Variants in DBX2 observed in about 807,000 individuals in gnomAD.
The protein encoded by DBX2 is homeobox protein DBX2.
Under a neutral mutation model 17.7 loss-of-function variants are expected in DBX2, and 16 were observed. The observed-to-expected ratio is 0.90, with a 90% confidence interval of 0.61 to 1.37. DBX2 has a LOEUF of 1.37. Ranked by LOEUF, DBX2 falls within the 40% of genes most tolerant of loss-of-function variation. The pLI is 0.00. For missense variants in DBX2, 538 were observed against 433.8 expected (o/e 1.24, Z -2.13); for synonymous variants, 255 against 183.8 (o/e 1.39, Z -3.13).
intron 2 of DBX2, among the ~76,000 whole-genome samples, chr12:45,032,601 G>C (rs1946416212): frequency 6.6e-6 from 1 of 152,172 alleles, no homozygotes. Context: ...AACTTGGAGA[G>C]TGTATTACGT....
rs114938257 is a variant in DBX2 at position 45,017,505 on chromosome 12, G to T, written c.688-887C>A. On this transcript the variant is annotated intron_variant, in intron 3 of 3. Transcript: ENST00000332700. ...TCAGACCTCATCAGGAGCTTTCTGA[G>T]ACTAAATTAAGAATCCATTTTGTAA... Among the ~76,000 whole-genome samples the T allele has an allele frequency of 4.7e-3, 711 of 152,274 alleles. 6 individuals are homozygous for T. Among genetic ancestry groups the T allele is most frequent in the African/African-American group, 0.016 (670 of 41,562 alleles).
At chr12:45,022,786 C>T (rs1946360810) in intron 3 of DBX2, among the ~76,000 whole-genome samples, 1 of 152,130 alleles carries the variant, frequency 6.6e-6, no homozygotes, top group Non-Finnish European at 1.5e-5. Flanking sequence ...AGAGTTTATG[C>T]TGCATTTCAG....
intron 2 of DBX2, among the ~76,000 whole-genome samples, chr12:45,029,600 C>G (rs2137023409): frequency 6.6e-6 from 1 of 152,306 alleles, no homozygotes; most frequent in East Asian, 1.9e-4. Flanking sequence ...CGCAGTGGCT[C>G]ATGCCTGTAA....
intron 2 of DBX2, among the ~76,000 whole-genome samples, chr12:45,031,221 T>A (rs201341437): frequency 2.1e-3 from 132 of 64,060 alleles, no homozygotes; most frequent in Non-Finnish European, 3.1e-3. Flanking sequence ...TGTGTGTGTG[T>A]GTGTGAGAGA....
Position 45,044,062 on chromosome 12 carries a change from C to T in DBX2, c.403+6463G>A, listed in dbSNP as rs143442881. On this transcript the variant is annotated intron_variant, in intron 1 of 3. Transcript: ENST00000332700. ...AAATTTAACCAATTTGCCATTTACA[C>T]GTTGGAGCAAGCGCTGGCATACTTC... Among the ~76,000 whole-genome samples the T allele has an allele frequency of 8.5e-3, 1,288 of 152,132 alleles. 17 individuals are homozygous for T. The highest frequency in any genetic ancestry group is 0.029 in the African/African-American group (1,202 of 41,538).
intron 2 of DBX2, among the ~76,000 whole-genome samples, chr12:45,031,650 A>T (rs1363676898): frequency 1.3e-5 from 2 of 152,160 alleles, no homozygotes; most frequent in Non-Finnish European, 2.9e-5. Context: ...CCTGGTTTTT[A>T]TATGAGAGCT....
intron 3 of DBX2, 147 bp from the exon 4 acceptor site, chr12:45,016,765 G>A (rs1946326112): frequency 1.7e-6 from 1 of 580,464 alleles, no homozygotes; most frequent in Non-Finnish European, 2.7e-6. Flanking sequence ...CTTTTCACAT[G>A]GGCTCCTTCA....
At chr12:45,045,366 A>G (rs1399588123) in intron 1 of DBX2, among the ~76,000 whole-genome samples, 1 of 152,232 alleles carries the variant, frequency 6.6e-6, no homozygotes, top group Non-Finnish European at 1.5e-5. Flanking sequence ...CCCTAACATA[A>G]GAACACATTT....
Position 45,023,688 on chromosome 12 carries a change from T to A in DBX2, c.687+19A>T, listed in dbSNP as rs202234675. On this transcript the variant is annotated intron_variant, in intron 3 of 3. Transcript: ENST00000332700. ...CAGAAGAAATCAGAGGCAGTAGACA[T>A]CTTCCTGCTTATTAGTACCTGTGAT... 1.2e-3 allele frequency: 1,915 copies of A among 1,613,852 alleles called. 1 individual carries two copies. The highest frequency in any genetic ancestry group is 1.5e-3 in the Non-Finnish European group (1,801 of 1,179,844).
intron 2 of DBX2, among the ~76,000 whole-genome samples, chr12:45,025,091 G>A (rs905901791): frequency 5.9e-5 from 9 of 152,174 alleles, no homozygotes; most frequent in African/African-American, 2.2e-4. Context: ...CTGTGAATAT[G>A]TTATGTTACA....
At chr12:45,038,938 G>A (rs529931649) in intron 1 of DBX2, among the ~76,000 whole-genome samples, 1 of 152,082 alleles carries the variant, frequency 6.6e-6, no homozygotes, top group African/African-American at 2.4e-5. Flanking sequence ...ATAATCTACA[G>A]TAACAATTCT....
At chr12:45,020,690 T>TAC (rs1555141173) in intron 3 of DBX2, among the ~76,000 whole-genome samples, 45 of 148,470 alleles carry the variant, frequency 3.0e-4, no homozygotes, top group Admixed American at 4.1e-4. Context: ...TATATATATA[T>TAC]ACACACACAC....
intron 3 of DBX2, among the ~76,000 whole-genome samples, chr12:45,022,605 AT>A (rs1946359602): frequency 6.6e-6 from 1 of 152,086 alleles, no homozygotes; most frequent in African/African-American, 2.4e-5. Flanking sequence ...CGCCCGGCCA[AT>A]AACTGGTTTT....
chr12:45,044,641 C>G lies in DBX2; in HGVS notation c.403+5884G>C, dbSNP rs527424829. Among the ~76,000 whole-genome samples, 11 of 152,158 alleles carry G rather than the reference C, an allele frequency of 7.2e-5. 1 individual carries two copies. In the South Asian group the frequency reaches 2.3e-3, roughly 32 times the overall value. ...AGCAATTTTTACAAAAAGACGCAACCTTTTTGTTTTCCTTTCCTTTTCCTG... is the reference window on the plus strand; with the variant it reads ...AGCAATTTTTACAAAAAGACGCAACGTTTTTGTTTTCCTTTCCTTTTCCTG... On this transcript the variant is annotated intron_variant, in intron 1 of 3. Coordinates refer to ENST00000332700, the MANE Select transcript of DBX2 (RefSeq NM_001004329.3).
intron 1 of DBX2, among the ~76,000 whole-genome samples, chr12:45,046,039 T>G (rs1280583014): frequency 6.6e-6 from 1 of 152,042 alleles, no homozygotes; most frequent in Non-Finnish European, 1.5e-5. Context: ...CTCAAGAGTT[T>G]TAGTACATAT....
intron 2 of DBX2, among the ~76,000 whole-genome samples, chr12:45,029,311 AC>A (rs1946396807): frequency 6.6e-6 from 1 of 152,242 alleles, no homozygotes; most frequent in Admixed American, 6.5e-5. Context: ...ATTGGGGCTT[AC>A]ATGTGCTGAC....
chr12:45,018,904 C>T (rs935855578), intron 3 of DBX2, among the ~76,000 whole-genome samples: 2 of 151,668 alleles, frequency 1.3e-5, no homozygotes, highest in African/African-American at 4.8e-5. Context: ...AGTACAAATG[C>T]CATATTACTC....
rs1160143801 is a variant in DBX2, at chr12:45,023,763, T to C, written c.631A>G (p.Ile211Val). Residue 211 changes from isoleucine (I) to valine (V), a missense_variant, in exon 3 of 4, where the codon ATC becomes GTC. Physicochemically the swap from Ile to Val is conservative, Grantham distance 29 (BLOSUM62 3). Transcript: ENST00000332700. ...AGTTTCTTTCGGTCTGTTTTGCTGA[T>C]ATATTTCTGTTTCTGAAACATTTTC... ...LEKMFQKQKY[I>V]SKTDRKKLAI... 20 of 1,614,194 alleles carry C rather than the reference T, an allele frequency of 1.2e-5. No individual in the cohort carries two copies. Among genetic ancestry groups the C allele is most frequent in the Admixed American group, 5.0e-5 (3 of 60,028 alleles).
At position 45,016,225 on chromosome 12, in the gene DBX2, A is replaced by G; in HGVS notation, c.*61T>C. 7 of 1,491,148 alleles carry G rather than the reference A, an allele frequency of 4.7e-6. No individual in the cohort carries two copies. Among genetic ancestry groups the G allele is most frequent in the Non-Finnish European group, 6.3e-6 (7 of 1,116,746 alleles). 92.4% of individuals were successfully genotyped at this position (1,491,148 alleles called of 1,614,324 possible). Reference sequence around the variant, plus strand: ...ACTGATGAGGTACAAGCTAGCTGGCATTAGAGTCCAGATGTTACTATTAAG... The same window carrying G: ...ACTGATGAGGTACAAGCTAGCTGGCGTTAGAGTCCAGATGTTACTATTAAG... On this transcript the variant is annotated 3_prime_UTR_variant, in exon 4 of 4. Transcript: ENST00000332700.
Sources: gnomAD v4.1 joint callset for allele counts (sites outside exome capture counted in the v4.1 genomes callset) on GRCh38, gnomAD v4.1.1 for gene constraint, MANE v1.5 for transcripts, NCBI Gene and HGNC (gene_info 2026-07-23, HGNC 2026-07-21) for gene names.